The following TOP2B variants were observed in gnomAD, a reference collection of about 807,000 sequenced individuals.
TOP2B encodes the protein DNA topoisomerase 2-beta.
In TOP2B, 51 loss-of-function variants were observed where a neutral mutation model predicts 193.5. The ratio of observed to expected loss-of-function variants is 0.26; its 90% CI spans 0.21 to 0.33. TOP2B has a LOEUF of 0.33. Ranked by LOEUF, TOP2B falls within the 10% of genes least tolerant of loss-of-function variation. The pLI is 1.00. For missense variants in TOP2B, 1,378 were observed against 1,909.3 expected, an observed-to-expected ratio of 0.72 and a Z score of 5.19; for synonymous variants, 634 against 635.7, an observed-to-expected ratio of 1.00 and a Z score of 0.04.
At chr3:25,646,579 C>T (rs527742046) in intron 1 of TOP2B, among the ~76,000 whole-genome samples, 51 of 152,206 alleles carry the variant, frequency 3.4e-4, no homozygotes, top group Middle Eastern at 3.4e-3. Context: ...TTGTGATGGC[C>T]TATCTTTTCA....
intron 22 of TOP2B, 52 bp downstream of exon 22, chr3:25,620,630 A>C: frequency 6.4e-7 from 1 of 1,554,424 alleles, no homozygotes; most frequent in African/African-American, 1.4e-5. Flanking sequence ...TACCAGAAAA[A>C]ATTGCTTAAT....
chr3:25,661,061 C>A (rs747797911), intron 1 of TOP2B, among the ~76,000 whole-genome samples: 1 of 144,506 alleles, frequency 6.9e-6, no homozygotes, highest in African/African-American at 2.6e-5. Flanking sequence ...AGTGCAATGG[C>A]GTGATCTCGG....
rs1701972797 is a variant in TOP2B at position 25,598,251 on chromosome 3, A to AAGAC, written c.*52_*55dup. Reference sequence around the variant, plus strand: ...AGATGTACAAAAGTCTGAGACAGAGAAGACAAAAGGACAACACAAGATATT... The same window carrying AAGAC: ...AGATGTACAAAAGTCTGAGACAGAGAAGACAGACAAAAGGACAACACAAGATATT... On this transcript the variant is annotated 3_prime_UTR_variant, in exon 36 of 36. Transcript: ENST00000264331. 9.9e-6 allele frequency: 15 copies of AAGAC among 1,516,584 alleles called. No homozygotes were observed. Among genetic ancestry groups the AAGAC allele is most frequent in the Middle Eastern group, 1.8e-4 (1 of 5,560 alleles). 93.9% of individuals were successfully genotyped at this position (1,516,584 alleles called of 1,614,324 possible).
rs1575578533 is a variant in TOP2B, at chr3:25,635,973, C to T, written c.815G>A (p.Arg272Lys). The T allele has an allele frequency of 2.5e-6, 4 of 1,613,350 alleles. No individual in the cohort carries two copies. In the African/African-American group the frequency reaches 5.3e-5, roughly 22 times the overall value. The change falls in exon 7 of 36, where the codon AGA becomes AAA. Residue 272 changes from arginine to lysine, a missense_variant. Arg to Lys is a conservative substitution (Grantham distance 26). Coordinates refer to ENST00000264331, the MANE Select transcript of TOP2B (RefSeq NM_001330700.2). Reference sequence around the variant, plus strand: ...TCCATTAAACATGACCTTGACCCCTCTACACGAACCAGCCAAATCATATGC... The same window carrying T: ...TCCATTAAACATGACCTTGACCCCTTTACACGAACCAGCCAAATCATATGC... ...RRAYDLAGSC[R>K]GVKVMFNGKK...
At chr3:25,600,775 C>G (rs776716016) in intron 34 of TOP2B, among the ~76,000 whole-genome samples, 1 of 152,190 alleles carries the variant, frequency 6.6e-6, no homozygotes, top group African/African-American at 2.4e-5. Flanking sequence ...ATAAGTGTCA[C>G]AGTTAGTGTG....
chr3:25,628,964 T>C lies in TOP2B; in HGVS notation c.1801-12A>G. On this transcript the variant is annotated splice_polypyrimidine_tract_variant and intron_variant, in intron 14 of 35. Transcript: ENST00000264331. ...TTATTTTTGCTTGCCTTAAATTAATTAAAAAACAAAATTAGTTTTTCTGCT... is the reference window on the plus strand; with the variant it reads ...TTATTTTTGCTTGCCTTAAATTAATCAAAAAACAAAATTAGTTTTTCTGCT... The C allele has an allele frequency of 6.3e-7, 1 of 1,588,626 alleles. No individual in the cohort carries two copies. The highest frequency in any genetic ancestry group is 1.4e-5 in the African/African-American group (1 of 73,554).
At chr3:25,635,722 T>C (rs1575578385) in intron 7 of TOP2B, among the ~76,000 whole-genome samples, 1 of 151,916 alleles carries the variant, frequency 6.6e-6, no homozygotes, top group African/African-American at 2.4e-5. Context: ...TATCAAATAA[T>C]GTAACATATA....
intron 5 of TOP2B, among the ~76,000 whole-genome samples, chr3:25,637,677 C>G (rs151105939): frequency 1.9e-4 from 29 of 151,940 alleles, no homozygotes; most frequent in African/African-American, 6.5e-4. Context: ...TTTCCCGGAG[C>G]GTTGGTTTAA....
Position 25,624,790 on chromosome 3 carries a change from G to A in TOP2B, c.2238C>T (p.Gly746=), listed in dbSNP as rs781642993. The A allele has an allele frequency of 1.2e-6, 2 of 1,612,820 alleles. No homozygotes were observed. The highest frequency in any genetic ancestry group is 2.2e-5 in the South Asian group (2 of 90,896). ...IPSLVDGFKP[G]QRKVLFTCFK... is the part of the protein sequence containing the mutation. ...AACAGGTAAATAAAACTTTCCGCTG[G>A]CCAGGTTTAAAGCCTATTTTTAAAA... The change falls in exon 19 of 36, where the codon GGC becomes GGT. Residue 746 remains glycine, a synonymous_variant. Coordinates refer to ENST00000264331, the MANE Select transcript of TOP2B (RefSeq NM_001330700.2).
chr3:25,614,267 T>C (rs1318214732), intron 27 of TOP2B, among the ~76,000 whole-genome samples: 1 of 152,148 alleles, frequency 6.6e-6, no homozygotes, highest in Non-Finnish European at 1.5e-5. Context: ...TGTTTCACTA[T>C]ATTAGTGACC....
At chr3:25,637,755 T>A (rs1703144025) in intron 5 of TOP2B, among the ~76,000 whole-genome samples, 1 of 152,030 alleles carries the variant, frequency 6.6e-6, no homozygotes, top group East Asian at 1.9e-4. Context: ...TATGAAAATA[T>A]ATGGTTTTGG....
At chr3:25,653,022 C>A (rs1431632729) in intron 1 of TOP2B, among the ~76,000 whole-genome samples, 1 of 152,084 alleles carries the variant, frequency 6.6e-6, no homozygotes, top group Admixed American at 6.5e-5. Flanking sequence ...ACACATATGG[C>A]AACAGATTAG....
At chr3:25,645,220 T>C in intron 2 of TOP2B, 80 bp downstream of exon 2, 1 of 1,286,906 alleles carries the variant, frequency 7.8e-7, no homozygotes, top group Non-Finnish European at 1.1e-6. Context: ...AAGCAAGTAA[T>C]TACAATAATT....
intron 1 of TOP2B, 150 bp downstream of exon 1, chr3:25,664,079 C>A (rs1319067073): frequency 8.7e-7 from 1 of 1,151,946 alleles, no homozygotes; most frequent in African/African-American, 1.6e-5. Context: ...GGGGAGCGGG[C>A]TGGAGGATTC....
chr3:25,629,975 G>A (rs566516030), intron 13 of TOP2B, 54 bp downstream of exon 13: 1 of 1,497,964 alleles, frequency 6.7e-7, no homozygotes, highest in South Asian at 1.4e-5. Context: ...AAATATTAAA[G>A]GGAGAATCTG....
intron 1 of TOP2B, among the ~76,000 whole-genome samples, chr3:25,659,272 C>G (rs1194048895): frequency 6.9e-6 from 1 of 145,870 alleles, no homozygotes; most frequent in East Asian, 1.9e-4. Flanking sequence ...AACAAACTGT[C>G]CCCTGTCTAT....
chr3:25,608,643 C>T (rs1186143416), intron 30 of TOP2B, among the ~76,000 whole-genome samples: 1 of 152,074 alleles, frequency 6.6e-6, no homozygotes, highest in Non-Finnish European at 1.5e-5. Flanking sequence ...AAATAGAAAA[C>T]TCACTAGATG....
At chr3:25,649,591 A>ATT (rs1559508475) in intron 1 of TOP2B, among the ~76,000 whole-genome samples, 1 of 148,960 alleles carries the variant, frequency 6.7e-6, no homozygotes, top group Non-Finnish European at 1.5e-5. Context: ...TTGGAAGAAT[A>ATT]TATCTGAAGT....
chr3:25,629,987 A>G, intron 13 of TOP2B, 42 bp downstream of exon 13: 1 of 1,530,806 alleles, frequency 6.5e-7, no homozygotes, highest in Non-Finnish European at 8.8e-7. Context: ...GAGAATCTGA[A>G]GAAGACATGA....
Sources: allele counts gnomAD v4.1 joint callset (sites outside exome capture counted in the v4.1 genomes callset), GRCh38; gene constraint gnomAD v4.1.1; transcripts MANE v1.5; gene names NCBI Gene and HGNC (gene_info 2026-07-23, HGNC 2026-07-21).